Variants in EHMT1 observed in about 807,000 individuals in gnomAD.
The protein encoded by EHMT1 is histone-lysine N-methyltransferase EHMT1.
EHMT1 carries 15 observed loss-of-function variants against 147.2 expected under a neutral mutation model. The observed-to-expected ratio is 0.10, with a 90% CI of 0.07 to 0.16. EHMT1 has a LOEUF of 0.16. Among genes scored for constraint, EHMT1 ranks in the 10% least tolerant of loss-of-function variants. EHMT1 has a pLI of 1.00. For synonymous variants in EHMT1, 795 were observed against 709.6 expected (o/e 1.12, Z -1.91); for missense variants, 1,587 against 1,772.4 (o/e 0.90, Z 1.88).
intron 1 of EHMT1, among the ~76,000 whole-genome samples, chr9:137,687,629 T>G (rs1272977388): frequency 6.6e-6 from 1 of 152,136 alleles, no homozygotes; most frequent in African/African-American, 2.4e-5. Flanking sequence ...ATGAATGGGA[T>G]TAGTGCCTTA....
chr9:137,631,064 C>G (rs774573884), intron 1 of EHMT1, among the ~76,000 whole-genome samples: 2 of 152,036 alleles, frequency 1.3e-5, no homozygotes, highest in African/African-American at 2.4e-5. Context: ...ATTTTTTGAG[C>G]ATATAGGACA....
chr9:137,686,550 C>T (rs112008154), intron 1 of EHMT1, among the ~76,000 whole-genome samples: 1,587 of 151,728 alleles, frequency 0.01, 19 homozygotes, highest in African/African-American at 0.036. Context: ...CCCCCATCCC[C>T]GGCTAGTTTT....
At chr9:137,632,140 C>A (rs1015072480) in intron 1 of EHMT1, among the ~76,000 whole-genome samples, 1 of 152,170 alleles carries the variant, frequency 6.6e-6, no homozygotes, top group East Asian at 1.9e-4. Context: ...CACCTGATGA[C>A]GCATATCTCC....
intron 10 of EHMT1, among the ~76,000 whole-genome samples, chr9:137,765,753 C>G (rs112436728): frequency 2.0e-5 from 3 of 151,556 alleles, no homozygotes; most frequent in Admixed American, 2.0e-4. Flanking sequence ...CCCACAACGC[C>G]CACTTCCAGG....
chr9:137,630,843 G>A (rs1843578833), intron 1 of EHMT1, among the ~76,000 whole-genome samples: 1 of 152,220 alleles, frequency 6.6e-6, no homozygotes, highest in African/African-American at 2.4e-5. Context: ...TGAAGCTGGA[G>A]AGGCAGGGCA....
chr9:137,744,419 A>G (rs1340407989), intron 6 of EHMT1, among the ~76,000 whole-genome samples: 1 of 152,014 alleles, frequency 6.6e-6, no homozygotes, highest in African/African-American at 2.4e-5. Flanking sequence ...TCCTGGGCTC[A>G]ATGATCCTCC....
chr9:137,779,791 C>T (rs879358809), intron 14 of EHMT1, 74 bp downstream of exon 14: 94 of 1,525,154 alleles, frequency 6.2e-5, no homozygotes, highest in Non-Finnish European at 8.5e-5. Flanking sequence ...GCAGTTGTTA[C>T]TCCTTCCTCA....
intron 2 of EHMT1, chr9:137,715,918 T>G (rs778232826): frequency 6.0e-4 from 532 of 879,440 alleles, no homozygotes; most frequent in Non-Finnish European, 7.0e-4. Flanking sequence ...TTAAGAAATG[T>G]TTATGTTTAA....
At chr9:137,691,482 T>C (rs1942931478) in intron 1 of EHMT1, among the ~76,000 whole-genome samples, 1 of 151,820 alleles carries the variant, frequency 6.6e-6, no homozygotes, top group South Asian at 2.1e-4. Context: ...CCAGCCGTAA[T>C]GTTCTGTTGT....
intron 1 of EHMT1, among the ~76,000 whole-genome samples, chr9:137,693,034 G>C (rs1943075585): frequency 1.3e-5 from 2 of 152,180 alleles, no homozygotes; most frequent in Admixed American, 1.3e-4. Flanking sequence ...TTTGGCGAAT[G>C]GGCACAGCAG....
rs1224813256 is a variant in EHMT1, at chr9:137,782,453, C to T, written c.2382+56C>T. On this transcript the variant is annotated intron_variant, in intron 15 of 26. Coordinates refer to ENST00000460843, the MANE Select transcript of EHMT1 (RefSeq NM_024757.5). The surrounding 1 kb of genome is among the most constrained non-coding windows in gnomAD (Gnocchi z 5.7). ...TTCACCTGCTCTCTTTTATTTTTAC[C>T]AAAGTAAAATCATACCACGTTCGCG... 4.1e-6 allele frequency: 6 copies of T among 1,470,284 alleles called. No homozygotes were observed. Among genetic ancestry groups the T allele is most frequent in the African/African-American group, 2.8e-5 (2 of 71,608 alleles). 91.1% of individuals were successfully genotyped at this position (1,470,284 alleles called of 1,614,324 possible).
intron 18 of EHMT1, among the ~76,000 whole-genome samples, chr9:137,805,077 C>T (rs1157693623): frequency 1.3e-5 from 2 of 149,582 alleles, no homozygotes; most frequent in Admixed American, 6.6e-5. Context: ...GTCTGTCAGT[C>T]GTCCACATGT....
intron 3 of EHMT1, 112 bp from the exon 4 acceptor site, chr9:137,728,237 A>T: frequency 6.9e-7 from 1 of 1,453,038 alleles, no homozygotes; most frequent in South Asian, 1.2e-5. Flanking sequence ...ATTGTATCTC[A>T]TCTTTCGGTT....
At chr9:137,714,302 A>G (rs1317299123) in intron 2 of EHMT1, among the ~76,000 whole-genome samples, 2 of 152,040 alleles carry the variant, frequency 1.3e-5, no homozygotes, top group African/African-American at 2.4e-5. Context: ...TAGATTGAGG[A>G]AGTTTTCTTT....
rs570274257 is a variant in EHMT1 at position 137,687,995 on chromosome 9, T to C, written c.22-22972T>C. On this transcript the variant is annotated intron_variant, in intron 1 of 26. Transcript: ENST00000460843. ...TTCATTGTACAAGCTTGAACTTGTT[T>C]TGATAAATTTATTTCTTTAGTATTC... Among the ~76,000 whole-genome samples, 4 of 152,330 alleles carry C rather than the reference T, an allele frequency of 2.6e-5. 1 individual carries two copies. In the South Asian group the frequency reaches 8.3e-4, roughly 32 times the overall value.
chr9:137,674,980 T>G (rs1941095902), intron 1 of EHMT1: 3 of 152,252 alleles, frequency 2.0e-5, no homozygotes, highest in Admixed American at 1.3e-4. Flanking sequence ...GTATGTGGGG[T>G]GTGGGCCGCG....
At chr9:137,636,511 G>C (rs1844083043) in intron 1 of EHMT1, among the ~76,000 whole-genome samples, 1 of 152,064 alleles carries the variant, frequency 6.6e-6, no homozygotes, top group South Asian at 2.1e-4. Context: ...TCACCATTAG[G>C]TATGATATTA....
chr9:137,822,239 G>GGT (rs1262582062), intron 25 of EHMT1, among the ~76,000 whole-genome samples: 1 of 152,184 alleles, frequency 6.6e-6, no homozygotes. Flanking sequence ...GTTGTTGGAC[G>GGT]GTGACCCACC....
chr9:137,811,769 C>T (rs1158153779), intron 19 of EHMT1, among the ~76,000 whole-genome samples, 154 bp downstream of exon 19: 2 of 152,238 alleles, frequency 1.3e-5, no homozygotes, highest in African/African-American at 4.8e-5. Context: ...GTTCCACACG[C>T]AGAGAAGTGT....
Sources: gnomAD v4.1 joint callset for allele counts (sites outside exome capture counted in the v4.1 genomes callset) on GRCh38, gnomAD v4.1.1 for gene constraint, Gnocchi (gnomAD v3.1) non-coding constraint, MANE v1.5 for transcripts, NCBI Gene and HGNC (gene_info 2026-07-23, HGNC 2026-07-21) for gene names.